Variants in YWHAG observed in about 807,000 individuals in gnomAD.
YWHAG encodes tyrosine 3-monooxygenase/tryptophan 5-monooxygenase activation protein gamma.
Under a neutral mutation model 23.3 loss-of-function variants are expected in YWHAG, and 1 was observed. The observed-to-expected ratio is 0.04, with a 90% CI of 0.02 to 0.20. The LOEUF (loss-of-function observed/expected upper bound fraction) is 0.20. YWHAG is among the 10% of genes least tolerant of loss of function. YWHAG has a pLI of 1.00. For synonymous variants in YWHAG, 160 were observed against 144.0 expected, an observed-to-expected ratio of 1.11 and a Z score of -0.80; for missense variants, 151 against 338.6, an observed-to-expected ratio of 0.45 and a Z score of 4.35.
intron 1 of YWHAG, among the ~76,000 whole-genome samples, chr7:76,340,488 A>G (rs1434097794): frequency 6.6e-6 from 1 of 152,228 alleles, no homozygotes; most frequent in Non-Finnish European, 1.5e-5. Context: ...CATTTAGTCC[A>G]TATTTTTCTA....
At chr7:76,331,167 G>A (rs922526406) in intron 1 of YWHAG, among the ~76,000 whole-genome samples, 3 of 151,980 alleles carry the variant, frequency 2.0e-5, no homozygotes, top group African/African-American at 7.3e-5. Flanking sequence ...GCCCAGCCTG[G>A]AGTGCAGCAG....
chr7:76,330,371 G>C, intron 1 of YWHAG, 138 bp from the exon 2 acceptor site: 1 of 935,748 alleles, frequency 1.1e-6, no homozygotes, highest in Non-Finnish European at 1.6e-6. Context: ...GCTGGGGGAA[G>C]GGGGCTGGAG....
intron 1 of YWHAG, among the ~76,000 whole-genome samples, chr7:76,345,820 A>G (rs1409715836): frequency 1.3e-5 from 2 of 152,084 alleles, no homozygotes; most frequent in Non-Finnish European, 2.9e-5. Flanking sequence ...CTGTAATCCC[A>G]GCTACTAGGT....
intron 1 of YWHAG, among the ~76,000 whole-genome samples, chr7:76,342,676 T>A (rs1583988485): frequency 6.6e-6 from 1 of 152,234 alleles, no homozygotes; most frequent in East Asian, 1.9e-4. Context: ...TATCAATACC[T>A]TTCAGCCTGC....
In YWHAG at chr7:76,329,446, G is replaced by C. The variant is rs1405947026; in HGVS notation, c.*131C>G. 1 of 1,187,506 alleles carries C rather than the reference G, an allele frequency of 8.4e-7. No homozygotes were observed. The highest frequency in any genetic ancestry group is 1.6e-5 in the African/African-American group (1 of 64,216). 73.6% of individuals were successfully genotyped at this position (1,187,506 alleles called of 1,614,324 possible). On this transcript the variant is annotated 3_prime_UTR_variant, in exon 2 of 2. Transcript: ENST00000307630. This position sits in a 1 kb window ranked among gnomAD's most constrained non-coding sequence, Gnocchi z 6.1. ...AATGTCAAAGAGGCGATCAAAGACA[G>C]GACAGGTCGTGGGTTTCTCCCTGGG...
chr7:76,347,245 A>G (rs1803791786), intron 1 of YWHAG, among the ~76,000 whole-genome samples: 1 of 152,208 alleles, frequency 6.6e-6, no homozygotes, highest in Non-Finnish European at 1.5e-5. Context: ...AGATCAGTGC[A>G]TTTATTTCTT....
chr7:76,351,728 C>T (rs1803876751), intron 1 of YWHAG, among the ~76,000 whole-genome samples: 1 of 152,202 alleles, frequency 6.6e-6, no homozygotes, highest in Non-Finnish European at 1.5e-5. Context: ...CCCATCACCC[C>T]CAGACGGGAC....
At chr7:76,357,056 A>G (rs552841915) in intron 1 of YWHAG, among the ~76,000 whole-genome samples, 1 of 152,328 alleles carries the variant, frequency 6.6e-6, no homozygotes, top group South Asian at 2.1e-4. Context: ...AGAAATATGG[A>G]AAAATTATAA....
chr7:76,355,934 A>G (rs1803948869), intron 1 of YWHAG, among the ~76,000 whole-genome samples: 1 of 152,210 alleles, frequency 6.6e-6, no homozygotes, highest in Non-Finnish European at 1.5e-5. Context: ...CTCCTTCAAT[A>G]CAAGACTAAA....
chr7:76,339,899 G>A (rs1322951833), intron 1 of YWHAG, among the ~76,000 whole-genome samples: 3 of 152,052 alleles, frequency 2.0e-5, no homozygotes, highest in East Asian at 1.9e-4. Context: ...GACCAGGCTG[G>A]CCAACACGGT....
intron 1 of YWHAG, among the ~76,000 whole-genome samples, chr7:76,335,744 A>G (rs1234459720): frequency 6.6e-6 from 1 of 152,220 alleles, no homozygotes; most frequent in Non-Finnish European, 1.5e-5. Context: ...TGAGGTCAGT[A>G]GTTTGAGACC....
intron 1 of YWHAG, among the ~76,000 whole-genome samples, chr7:76,350,157 G>A (rs1374339098): frequency 6.6e-6 from 1 of 151,918 alleles, no homozygotes; most frequent in East Asian, 1.9e-4. Context: ...TTAGTCAAAG[G>A]GAAAAAAAAG....
At chr7:76,350,350 C>G (rs1803855780) in intron 1 of YWHAG, among the ~76,000 whole-genome samples, 1 of 152,188 alleles carries the variant, frequency 6.6e-6, no homozygotes, top group Non-Finnish European at 1.5e-5. Context: ...TTTCAAGGTC[C>G]TGTACTAGTG....
intron 1 of YWHAG, among the ~76,000 whole-genome samples, chr7:76,343,650 T>C (rs1308893083): frequency 6.6e-6 from 1 of 152,216 alleles, no homozygotes; most frequent in Non-Finnish European, 1.5e-5. Flanking sequence ...GCCACTCTCA[T>C]CAAGAGATGG....
At chr7:76,330,883 C>G (rs1407411814) in intron 1 of YWHAG, among the ~76,000 whole-genome samples, 1 of 152,206 alleles carries the variant, frequency 6.6e-6, no homozygotes, top group Non-Finnish European at 1.5e-5. Context: ...AGCTGGGCAA[C>G]AGGAATCAAT....
At chr7:76,330,303 C>T (rs1803524127) in intron 1 of YWHAG, 70 bp from the exon 2 acceptor site, 14 of 1,481,326 alleles carry the variant, frequency 9.5e-6, no homozygotes, top group East Asian at 2.3e-5. Flanking sequence ...ATCTTTGAGA[C>T]ACTAGAACAG....
intron 1 of YWHAG, among the ~76,000 whole-genome samples, chr7:76,348,529 G>C (rs1366276202): frequency 1.3e-5 from 2 of 149,334 alleles, no homozygotes; most frequent in Admixed American, 1.4e-4. Flanking sequence ...TCAGCCTCCC[G>C]AGTAGCTGGG....
At chr7:76,358,701 G>A (rs1804002893) in intron 1 of YWHAG, 21 bp downstream of exon 1, 1 of 1,556,476 alleles carries the variant, frequency 6.4e-7, no homozygotes, top group Non-Finnish European at 8.7e-7. Flanking sequence ...GGAGCGGCGG[G>A]GGAGGGGAGG....
intron 1 of YWHAG, among the ~76,000 whole-genome samples, chr7:76,351,307 C>G (rs1271715610): frequency 6.6e-6 from 1 of 152,204 alleles, no homozygotes; most frequent in East Asian, 1.9e-4. Context: ...CTTGTCCCCA[C>G]TAGCTTTCCT....
Sources: allele counts gnomAD v4.1 joint callset (sites outside exome capture counted in the v4.1 genomes callset), GRCh38; gene constraint gnomAD v4.1.1; non-coding constraint Gnocchi (gnomAD v3.1); transcripts MANE v1.5; gene names NCBI Gene and HGNC (gene_info 2026-07-23, HGNC 2026-07-21).